Variants in MYOM2 observed in about 807,000 individuals in gnomAD.
MYOM2 encodes the protein myomesin 2.
MYOM2 carries 254 observed loss-of-function variants against 187.6 expected under a neutral mutation model. The ratio of observed to expected loss-of-function variants is 1.35; its 90% CI spans 1.22 to 1.50. The LOEUF is 1.50. Ranked by LOEUF, MYOM2 falls within the 40% of genes most tolerant of loss-of-function variation. The pLI is 0.00. For synonymous variants in MYOM2, 981 were observed against 753.8 expected, an observed-to-expected ratio of 1.30 and a Z score of -4.94; for missense variants, 2,796 against 1,924.0, an observed-to-expected ratio of 1.45 and a Z score of -8.48.
chr8:2,144,481 C>T (rs1268511498), intron 36 of MYOM2, among the ~76,000 whole-genome samples, 183 bp from the exon 37 acceptor site: 1 of 152,168 alleles, frequency 6.6e-6, no homozygotes, highest in Non-Finnish European at 1.5e-5. Context: ...TGAACCTGTT[C>T]CCTGCTGTCC....
chr8:2,117,962 C>A lies in MYOM2; in HGVS notation c.3453+10C>A. On this transcript the variant is annotated intron_variant, in intron 28 of 36. Coordinates refer to ENST00000262113, the MANE Select transcript of MYOM2 (RefSeq NM_003970.4). ...TCGACTTGTTTGCAAGGTGAGAAAC[C>A]CGGTTCTAACAGGAAAACAATAAAT... The A allele has an allele frequency of 6.2e-7, 1 of 1,609,970 alleles. No individual in the cohort carries two copies. The highest frequency in any genetic ancestry group is 8.5e-7 in the Non-Finnish European group (1 of 1,177,448).
At chr8:2,067,532 G>C (rs147509720) in intron 6 of MYOM2, among the ~76,000 whole-genome samples, 1 of 152,192 alleles carries the variant, frequency 6.6e-6, no homozygotes, top group African/African-American at 2.4e-5. Flanking sequence ...CTGATGTGAA[G>C]TGACTTGAGG....
At chr8:2,045,772 C>G (rs898154756) in intron 1 of MYOM2, among the ~76,000 whole-genome samples, 5 of 152,140 alleles carry the variant, frequency 3.3e-5, no homozygotes, top group Admixed American at 3.3e-4. Flanking sequence ...TTCTTCAGCT[C>G]CACTCCGCTG....
At chr8:2,059,738 C>T (rs898561296) in intron 6 of MYOM2, among the ~76,000 whole-genome samples, 20 of 130,980 alleles carry the variant, frequency 1.5e-4, no homozygotes, top group Non-Finnish European at 2.8e-4. Context: ...ACGCGACACA[C>T]ACACTTTTTT....
chr8:2,123,407 G>A (rs777338897), intron 29 of MYOM2, 42 bp downstream of exon 29: 5 of 1,530,584 alleles, frequency 3.3e-6, no homozygotes, highest in African/African-American at 2.8e-5. Context: ...AACAAAAACG[G>A]CACTTTCAAA....
chr8:2,089,942 T>C, intron 14 of MYOM2, 66 bp from the exon 15 acceptor site: 1 of 1,494,150 alleles, frequency 6.7e-7, no homozygotes, highest in Non-Finnish European at 9.2e-7. Context: ...CATTTCTTCC[T>C]CCTCCACACG....
In MYOM2 at chr8:2,064,649, G is replaced by A. The variant is rs909665562; in HGVS notation, c.654-4629G>A. On this transcript the variant is annotated intron_variant, in intron 6 of 36. Coordinates refer to ENST00000262113, the MANE Select transcript of MYOM2 (RefSeq NM_003970.4). ...TGAGCTAATCAGTGCTAATGCGCGA[G>A]GTTGCACTCCCCTGGGATCTTAATG... 1.3e-5 allele frequency among the ~76,000 whole-genome samples: 2 copies of A among 152,188 alleles called. 1 individual carries two copies. Among genetic ancestry groups the A allele is most frequent in the East Asian group, 3.9e-4 (2 of 5,184 alleles).
At chr8:2,116,780 T>C (rs1391921902) in intron 27 of MYOM2, among the ~76,000 whole-genome samples, 2 of 152,168 alleles carry the variant, frequency 1.3e-5, no homozygotes, top group Non-Finnish European at 2.9e-5. Flanking sequence ...TTTTTTGAGA[T>C]GGAGTCTTGC....
chr8:2,129,103 C>T (rs1797760300), intron 31 of MYOM2, 24 bp from the exon 32 acceptor site: 4 of 1,562,252 alleles, frequency 2.6e-6, no homozygotes, highest in Admixed American at 1.7e-5. Context: ...TTTCCTAGAT[C>T]TGAGGATGTT....
chr8:2,100,129 T>TTCCTTCCTTCCTTCCTTCCTTCC (rs1796648799), intron 19 of MYOM2, among the ~76,000 whole-genome samples: 2 of 45,578 alleles, frequency 4.4e-5, no homozygotes, highest in African/African-American at 1.6e-4. Context: ...TCCTTCCTTC[T>TTCCTTCCTTCCTTCCTTCCTTCC]TTCCTTCCTT....
rs150608814 is a variant in MYOM2 at position 2,094,804 on chromosome 8, G to A, written c.2125+713G>A. Among the ~76,000 whole-genome samples, 269 of 152,300 alleles carry A rather than the reference G, an allele frequency of 1.8e-3. 6 individuals are homozygous for A. The highest frequency in any genetic ancestry group is 5.1e-4 in the Non-Finnish European group (35 of 68,018). On this transcript the variant is annotated intron_variant, in intron 17 of 36. Coordinates refer to ENST00000262113, the MANE Select transcript of MYOM2 (RefSeq NM_003970.4). ...TTTATGTAACTTTGAGACTTTGTTG[G>A]TAAATAGTGGTGTTTAACAGTTTTT...
At chr8:2,079,668 A>G in intron 13 of MYOM2, 55 bp downstream of exon 13, 1 of 1,569,440 alleles carries the variant, frequency 6.4e-7, no homozygotes, top group Non-Finnish European at 8.8e-7. Context: ...TGGAGTTGTA[A>G]TTAGAGATGG....
chr8:2,078,776 A>G lies in MYOM2; in HGVS notation c.1305A>G (p.Ala435=), dbSNP rs1197048317. 4 of 1,614,046 alleles carry G rather than the reference A, an allele frequency of 2.5e-6. No individual in the cohort carries two copies. In the Admixed American group the frequency reaches 5.0e-5, roughly 20 times the overall value. Residue 435 remains alanine (A), a synonymous_variant, in exon 12 of 37, where the codon GCA becomes GCG. Coordinates refer to ENST00000262113, the MANE Select transcript of MYOM2 (RefSeq NM_003970.4). ...GTNNWVQCND[A]PVKICKYPVT... is the part of the protein sequence containing the mutation. Reference sequence around the variant, plus strand: ...ATAATTGGGTGCAGTGCAATGATGCACCGGTGAAAATCTGCAAATACCCGG... The same window carrying G: ...ATAATTGGGTGCAGTGCAATGATGCGCCGGTGAAAATCTGCAAATACCCGG...
intron 28 of MYOM2, among the ~76,000 whole-genome samples, chr8:2,121,670 A>G (rs10109776): frequency 6.6e-6 from 1 of 152,214 alleles, no homozygotes; most frequent in South Asian, 2.1e-4. Flanking sequence ...AGAAAAACTT[A>G]TGCAAGGATG....
rs202226124 is a variant in MYOM2 at position 2,057,471 on chromosome 8, C to T, written c.387C>T (p.Tyr129=). 37 of 1,614,008 alleles carry T rather than the reference C, an allele frequency of 2.3e-5. No homozygotes were observed. The highest frequency in any genetic ancestry group is 4.5e-5 in the East Asian group (2 of 44,872). The part of the protein sequence containing the change: ...RSQARDKLDK[Y]AIQQMMEDKL... ...AGGCCCGCGACAAGCTGGACAAATA[C>T]GCCATTCAGCAGATGGTAGGAGGGT... Residue 129 remains tyrosine (Y), a synonymous_variant, in exon 4 of 37, where the codon TAC becomes TAT. Transcript: ENST00000262113.
intron 21 of MYOM2, among the ~76,000 whole-genome samples, chr8:2,105,695 C>T (rs978372357): frequency 1.3e-5 from 2 of 152,134 alleles, no homozygotes; most frequent in African/African-American, 4.8e-5. Context: ...AAATTAGCAA[C>T]AACAAAACAA....
intron 14 of MYOM2, among the ~76,000 whole-genome samples, chr8:2,086,767 T>C (rs1007975813): frequency 1.3e-5 from 2 of 152,200 alleles, no homozygotes; most frequent in African/African-American, 4.8e-5. Context: ...GCTTGAGGGT[T>C]CTAGCGTCTC....
chr8:2,111,903 C>A (rs979194858), intron 25 of MYOM2, among the ~76,000 whole-genome samples: 1 of 152,200 alleles, frequency 6.6e-6, no homozygotes, highest in Non-Finnish European at 1.5e-5. Context: ...GCTGTGTGAT[C>A]TACATCTCTG....
intron 6 of MYOM2, among the ~76,000 whole-genome samples, chr8:2,064,733 G>T (rs1180764889): frequency 6.6e-6 from 1 of 152,188 alleles, no homozygotes; most frequent in African/African-American, 2.4e-5. Flanking sequence ...TGGCTGGCGA[G>T]GGGGGCCGTG....
Sources: allele counts gnomAD v4.1 joint callset (sites outside exome capture counted in the v4.1 genomes callset), GRCh38; gene constraint gnomAD v4.1.1; transcripts MANE v1.5; gene names NCBI Gene and HGNC (gene_info 2026-07-23, HGNC 2026-07-21).